RPS27A: variants seen among roughly 807,000 people sequenced by gnomAD.
RPS27A encodes the protein ubiquitin-ribosomal protein eS31 fusion protein.
Under a neutral mutation model 18.9 loss-of-function variants are expected in RPS27A, and 1 was observed. That is an observed-to-expected ratio of 0.05 (90% CI 0.02 to 0.25). The LOEUF (loss-of-function observed/expected upper bound fraction) is 0.25, where lower values mean the gene tolerates loss of function less well. RPS27A is among the 10% of genes least tolerant of loss of function. The pLI is 1.00. For synonymous variants in RPS27A, 77 were observed against 63.7 expected (o/e 1.21, Z -0.99); for missense variants, 123 against 187.4 (o/e 0.66, Z 2.01).
In RPS27A at chr2:55,233,368, A is replaced by G; in HGVS notation, c.54A>G (p.Glu18=). The change falls in exon 3 of 6, where the codon GAA becomes GAG. Residue 18 remains glutamate, a synonymous_variant. Coordinates refer to ENST00000272317, the MANE Select transcript of RPS27A (RefSeq NM_002954.6). ...LTGKTITLEV[E]PSDTIENVKA... ...TTTCACTTTAACACTCATAGGTTGAACCCTCGGATACGATAGAAAATGTAA... is the reference window on the plus strand; with the variant it reads ...TTTCACTTTAACACTCATAGGTTGAGCCCTCGGATACGATAGAAAATGTAA... 1.9e-6 allele frequency: 3 copies of G among 1,612,332 alleles called. No individual in the cohort carries two copies. The highest frequency in any genetic ancestry group is 2.5e-6 in the Non-Finnish European group (3 of 1,178,346).
At position 55,235,408 on chromosome 2, in the gene RPS27A, A is replaced by T; in HGVS notation, c.322-20A>T. On this transcript the variant is annotated intron_variant, in intron 5 of 5. Coordinates refer to ENST00000272317, the MANE Select transcript of RPS27A (RefSeq NM_002954.6). ...GAATGTGTTGTAAAATTATCTTAAC[A>T]GCAGGTTTGTGCTTTTCAGGTGGAT... 6.2e-7 allele frequency: 1 copy of T among 1,611,712 alleles called. No homozygotes were observed. Among genetic ancestry groups the T allele is most frequent in the Non-Finnish European group, 8.5e-7 (1 of 1,179,608 alleles).
At chr2:55,232,765 T>G in intron 1 of RPS27A, 43 bp from the exon 2 acceptor site, 1 of 1,498,338 alleles carries the variant, frequency 6.7e-7, no homozygotes, top group Non-Finnish European at 9.2e-7. Context: ...CCTTCTCTTG[T>G]GATCCCTGAC....
intron 4 of RPS27A, chr2:55,234,625 T>C (rs374384803): frequency 1.6e-6 from 1 of 622,524 alleles, no homozygotes; most frequent in Non-Finnish European, 2.8e-6. Context: ...TTTTGCAAGT[T>C]GTATCCCATG....
intron 1 of RPS27A, 23 bp from the exon 2 acceptor site, chr2:55,232,785 C>G: frequency 1.3e-6 from 2 of 1,591,876 alleles, no homozygotes; most frequent in Non-Finnish European, 1.7e-6. Flanking sequence ...CCTAACCTGT[C>G]TCTTCCTTTT....
intron 2 of RPS27A, 101 bp from the exon 3 acceptor site, chr2:55,233,262 G>A: frequency 9.9e-7 from 1 of 1,011,610 alleles, no homozygotes; most frequent in Non-Finnish European, 1.6e-6. Context: ...GTAGGTCTCA[G>A]CCCTGTCGCT....
At chr2:55,234,574 C>G (rs1675697475) in intron 4 of RPS27A, 1 of 568,554 alleles carries the variant, frequency 1.8e-6, no homozygotes, top group Non-Finnish European at 3.1e-6. Context: ...AACTCCTATA[C>G]TGATACTTGA....
At chr2:55,235,074 C>T in intron 5 of RPS27A, 112 bp downstream of exon 5, 2 of 1,222,966 alleles carry the variant, frequency 1.6e-6, no homozygotes, top group Non-Finnish European at 2.3e-6. Flanking sequence ...TATTATCCCA[C>T]TTTGGTTTAA....
intron 5 of RPS27A, 61 bp downstream of exon 5, chr2:55,235,023 T>G (rs1309252912): frequency 6.4e-7 from 1 of 1,564,220 alleles, no homozygotes; most frequent in Non-Finnish European, 8.7e-7. Context: ...AACTTAATCT[T>G]TATAGTACTT....
Position 55,232,876 on chromosome 2 carries a change from C to CGGGCCGGGTGGTCATGAGG in RPS27A, c.48+5_48+23dup, listed in dbSNP as rs567089177. 1,903 of 1,611,958 alleles carry CGGGCCGGGTGGTCATGAGG rather than the reference C, an allele frequency of 1.2e-3. 9 individuals are homozygous for CGGGCCGGGTGGTCATGAGG. The highest frequency in any genetic ancestry group is 7.9e-3 in the African/African-American group (595 of 75,022). ...GGGGAAGACCATCACCCTCGAGGTA[C>CGGGCCGGGTGGTCATGAGG]GGGCCGGGTGGTCATGAGGAAGCCA... On this transcript the variant is annotated splice_donor_region_variant and intron_variant, in intron 2 of 5. Transcript: ENST00000272317.
intron 3 of RPS27A, 176 bp from the exon 4 acceptor site, chr2:55,233,943 A>G (rs1338798739): frequency 4.5e-6 from 3 of 665,384 alleles, no homozygotes; most frequent in African/African-American, 1.8e-5. Flanking sequence ...TATTGTCCCT[A>G]ATATTAAATG....
intron 4 of RPS27A, 34 bp downstream of exon 4, chr2:55,234,238 A>C (rs1336603583): frequency 6.8e-6 from 10 of 1,464,974 alleles, no homozygotes; most frequent in Non-Finnish European, 9.6e-6. Context: ...TCTTTTAAAA[A>C]AAAAATGTTA....
intron 4 of RPS27A, 67 bp downstream of exon 4, chr2:55,234,271 T>C: frequency 1.7e-6 from 2 of 1,180,312 alleles, no homozygotes; most frequent in Non-Finnish European, 2.5e-6. Context: ...TTTATTTTAC[T>C]TTTTTTGAGA....
chr2:55,232,744 A>C (rs1573824892), intron 1 of RPS27A, 36 bp downstream of exon 1: 2 of 1,312,234 alleles, frequency 1.5e-6, no homozygotes, highest in Non-Finnish European at 1.1e-6. Context: ...TCGGGTTAGC[A>C]CCCTATGGTG....
chr2:55,233,850 G>A, intron 3 of RPS27A: 1 of 538,862 alleles, frequency 1.9e-6, no homozygotes, highest in Admixed American at 3.2e-5. Context: ...GGCTGGTTTT[G>A]AACTTTTCAC....
At chr2:55,233,540 T>C in intron 3 of RPS27A, 123 bp downstream of exon 3, 1 of 733,034 alleles carries the variant, frequency 1.4e-6, no homozygotes, top group Non-Finnish European at 2.5e-6. Flanking sequence ...GAAATACTTG[T>C]GGAATAACAC....
At chr2:55,233,084 CTAGT>C (rs903958217) in intron 2 of RPS27A, 29 of 651,542 alleles carry the variant, frequency 4.5e-5, no homozygotes, top group African/African-American at 2.0e-4. Context: ...GGGGTTCCAG[CTAGT>C]TAGTTAAAAC....
At chr2:55,235,123 G>T (rs1303609683) in intron 5 of RPS27A, 161 bp downstream of exon 5, 1 of 855,616 alleles carries the variant, frequency 1.2e-6, no homozygotes, top group South Asian at 1.6e-5. Flanking sequence ...GACTTTCTGG[G>T]GTTTTTCCTG....
intron 5 of RPS27A, 108 bp downstream of exon 5, chr2:55,235,070 C>A: frequency 8.1e-7 from 1 of 1,238,136 alleles, no homozygotes; most frequent in Non-Finnish European, 1.1e-6. Flanking sequence ...CCAATATTAT[C>A]CCACTTTGGT....
intron 2 of RPS27A, 185 bp downstream of exon 2, chr2:55,233,057 G>C (rs760520311): frequency 3.0e-4 from 207 of 684,400 alleles, no homozygotes; most frequent in Non-Finnish European, 4.6e-4. Flanking sequence ...CCAAAGGCTG[G>C]ACCTGTCTCC....
Sources: gnomAD v4.1 joint callset for allele counts on GRCh38, gnomAD v4.1.1 for gene constraint, MANE v1.5 for transcripts, NCBI Gene and HGNC (gene_info 2026-07-23, HGNC 2026-07-21) for gene names.